DAB1: variants seen among roughly 807,000 people sequenced by gnomAD.
DAB1 encodes disabled homolog 1.
Under a neutral mutation model 64.6 loss-of-function variants are expected in DAB1, and 15 were observed. That is an observed-to-expected ratio of 0.23 (90% CI 0.16 to 0.36). The LOEUF is 0.36. Among genes scored for constraint, DAB1 ranks in the 10% least tolerant of loss-of-function variants. The probability of loss-of-function intolerance (pLI) is 1.00; values close to 1 mark genes in which losing one functional copy is unlikely to be tolerated. For missense variants in DAB1, 596 were observed against 706.7 expected, an observed-to-expected ratio of 0.84 and a Z score of 1.78; for synonymous variants, 235 against 251.9, an observed-to-expected ratio of 0.93 and a Z score of 0.64.
At chr1:57,066,310 T>A (rs2100579739) in intron 8 of DAB1, among the ~76,000 whole-genome samples, 1 of 152,358 alleles carries the variant, frequency 6.6e-6, no homozygotes, top group East Asian at 1.9e-4. Flanking sequence ...CTTGATTTTC[T>A]TATGTTCAAA....
At chr1:57,558,714 T>C (rs550896421) in intron 7 of DAB1, among the ~76,000 whole-genome samples, 3 of 152,276 alleles carry the variant, frequency 2.0e-5, no homozygotes, top group African/African-American at 7.2e-5. Context: ...AACATTCTAA[T>C]AGTTTCTTTG....
At chr1:57,044,526 G>T (rs1392276910) in intron 9 of DAB1, among the ~76,000 whole-genome samples, 2 of 152,168 alleles carry the variant, frequency 1.3e-5, no homozygotes, top group African/African-American at 2.4e-5. Context: ...CTGGCCTCGG[G>T]CTTGTTTTCC....
intron 5 of DAB1, among the ~76,000 whole-genome samples, chr1:58,039,580 G>T (rs6663426): frequency 2.0e-5 from 3 of 151,670 alleles, no homozygotes; most frequent in African/African-American, 7.3e-5. Context: ...CTTGACCCCC[G>T]CTCAGAGCCT....
At chr1:57,789,128 C>A (rs1054954722) in intron 6 of DAB1, among the ~76,000 whole-genome samples, 1 of 152,078 alleles carries the variant, frequency 6.6e-6, no homozygotes, top group African/African-American at 2.4e-5. Flanking sequence ...CTCCCTGAAC[C>A]ACAACCTGCC....
chr1:58,091,968 A>ACACACACACACACACACACACACACAC (rs1553159212), intron 5 of DAB1, among the ~76,000 whole-genome samples: 1 of 151,356 alleles, frequency 6.6e-6, no homozygotes, highest in African/African-American at 2.4e-5. Flanking sequence ...ACACACACAC[A>ACACACACACACACACACACACACACAC]AACTAACATA....
intron 2 of DAB1, among the ~76,000 whole-genome samples, chr1:57,221,837 A>G (rs947198367): frequency 2.6e-5 from 4 of 152,026 alleles, no homozygotes; most frequent in African/African-American, 9.7e-5. Flanking sequence ...CCTCTGCTTC[A>G]TATTTAAATA....
intron 5 of DAB1, among the ~76,000 whole-genome samples, chr1:57,998,830 A>G (rs939404871): frequency 1.3e-5 from 2 of 152,156 alleles, no homozygotes; most frequent in Non-Finnish European, 2.9e-5. Flanking sequence ...ATCCACAGAT[A>G]CTCTTTCTTG....
At chr1:57,689,468 T>A (rs564569721) in intron 6 of DAB1, among the ~76,000 whole-genome samples, 4 of 152,178 alleles carry the variant, frequency 2.6e-5, no homozygotes, top group Admixed American at 6.6e-5. Flanking sequence ...GAAGATTCCA[T>A]TTAAACTTGA....
At chr1:57,986,603 C>T (rs907052188) in intron 5 of DAB1, among the ~76,000 whole-genome samples, 3 of 152,152 alleles carry the variant, frequency 2.0e-5, no homozygotes, top group South Asian at 2.1e-4. Context: ...ACGTGTTCTC[C>T]GCTGCTTTAC....
At chr1:57,921,935 C>T (rs1644813628) in intron 5 of DAB1, among the ~76,000 whole-genome samples, 1 of 152,184 alleles carries the variant, frequency 6.6e-6, no homozygotes, top group South Asian at 2.1e-4. Context: ...CGGCCCCCTC[C>T]GTGGTGTTTC....
chr1:57,003,120 A>G (rs932556556), intron 14 of DAB1, among the ~76,000 whole-genome samples: 93 of 152,344 alleles, frequency 6.1e-4, no homozygotes, highest in Non-Finnish European at 1.1e-3. Context: ...ATGGTGCTGG[A>G]CCAGCCTAGG....
In DAB1 at chr1:57,687,095, A is replaced by G. The variant is rs939956329; in HGVS notation, n.552-37430T>C. On this transcript the variant is annotated intron_variant and non_coding_transcript_variant, in intron 6 of 20. Transcript: ENST00000485760. ...AAAGCATCCGAATAGAATAAGAAAA[A>G]GTGAAACTACCTCTCTTCACTCATG... 8.5e-5 allele frequency among the ~76,000 whole-genome samples: 13 copies of G among 152,198 alleles called. 1 individual carries two copies. The highest frequency in any genetic ancestry group is 7.9e-4 in the Admixed American group (12 of 15,280).
At chr1:57,245,120 G>A (rs761840317) in intron 2 of DAB1, among the ~76,000 whole-genome samples, 9 of 152,218 alleles carry the variant, frequency 5.9e-5, no homozygotes, top group Non-Finnish European at 1.0e-4. Context: ...TGAAGTCCAG[G>A]CTGAGGTGGT....
At chr1:58,062,211 C>A (rs139702225) in intron 5 of DAB1, among the ~76,000 whole-genome samples, 2 of 152,292 alleles carry the variant, frequency 1.3e-5, no homozygotes, top group East Asian at 3.9e-4. Flanking sequence ...TCAAACCTTC[C>A]CCATAGCCAT....
At chr1:58,288,278 C>T (rs749220294) in intron 4 of DAB1, among the ~76,000 whole-genome samples, 2 of 152,094 alleles carry the variant, frequency 1.3e-5, no homozygotes, top group Non-Finnish European at 1.5e-5. Flanking sequence ...CTCCAAATGA[C>T]GTAAATGTGT....
chr1:58,086,392 C>T (rs543128680), intron 5 of DAB1, among the ~76,000 whole-genome samples: 1 of 152,258 alleles, frequency 6.6e-6, no homozygotes, highest in African/African-American at 2.4e-5. Context: ...AAGTCTCCTA[C>T]CTGTAGACAT....
At chr1:57,028,598 A>G (rs547018009) in intron 9 of DAB1, among the ~76,000 whole-genome samples, 67 of 152,322 alleles carry the variant, frequency 4.4e-4, no homozygotes, top group Non-Finnish European at 8.2e-4. Context: ...AGACTTGTTG[A>G]ATGCCTTTGC....
chr1:57,272,767 G>A (rs1183372225), intron 2 of DAB1, among the ~76,000 whole-genome samples: 1 of 152,176 alleles, frequency 6.6e-6, no homozygotes, highest in Non-Finnish European at 1.5e-5. Flanking sequence ...TCCTACACAC[G>A]TGGCTGGCCA....
intron 14 of DAB1, among the ~76,000 whole-genome samples, chr1:57,003,593 T>C (rs755473331): frequency 6.6e-6 from 1 of 152,168 alleles, no homozygotes; most frequent in Non-Finnish European, 1.5e-5. Context: ...TTCAGCAGCA[T>C]TAATTACATT....
Sources: allele counts gnomAD v4.1 joint callset (sites outside exome capture counted in the v4.1 genomes callset), GRCh38; gene constraint gnomAD v4.1.1; transcripts MANE v1.5; gene names NCBI Gene and HGNC (gene_info 2026-07-23, HGNC 2026-07-21).